The following NT5DC1 variants were observed in gnomAD, a reference collection of about 807,000 sequenced individuals.
NT5DC1 encodes the protein 5'-nucleotidase domain-containing protein 1.
In NT5DC1, 42 loss-of-function variants were observed where a neutral mutation model predicts 59.4. The observed-to-expected ratio is 0.71, with a 90% CI of 0.55 to 0.92. The LOEUF (loss-of-function observed/expected upper bound fraction) is 0.92, where lower values mean the gene tolerates loss of function less well. Ranked by LOEUF, NT5DC1 falls within the 40% of genes least tolerant of loss-of-function variation. NT5DC1 has a pLI of 0.00. For synonymous variants in NT5DC1, 172 were observed against 188.1 expected, an observed-to-expected ratio of 0.91 and a Z score of 0.70; for missense variants, 501 against 537.1, an observed-to-expected ratio of 0.93 and a Z score of 0.66.
chr6:116,145,069 A>G (rs1226463592), intron 6 of NT5DC1, among the ~76,000 whole-genome samples: 5 of 152,188 alleles, frequency 3.3e-5, no homozygotes, highest in Non-Finnish European at 1.5e-5. Flanking sequence ...TGCCTTTTAA[A>G]TCTAATATAT....
At chr6:116,196,937 A>G (rs528038042) in intron 6 of NT5DC1, among the ~76,000 whole-genome samples, 5 of 151,368 alleles carry the variant, frequency 3.3e-5, no homozygotes, top group Non-Finnish European at 5.9e-5. Flanking sequence ...TGGAATAGCC[A>G]TGTTTTCTCC....
intron 6 of NT5DC1, among the ~76,000 whole-genome samples, chr6:116,167,440 C>T (rs1325673083): frequency 6.6e-6 from 1 of 152,004 alleles, no homozygotes; most frequent in Non-Finnish European, 1.5e-5. Flanking sequence ...TCTCAATCTC[C>T]TGGCCTTGTG....
At chr6:116,120,714 C>T (rs1041072624) in intron 6 of NT5DC1, 2 of 1,561,844 alleles carry the variant, frequency 1.3e-6, no homozygotes, top group African/African-American at 2.8e-5. Context: ...CTTCCTGGAT[C>T]CCCTTTAGAC....
At chr6:116,179,750 T>G (rs1481101864) in intron 6 of NT5DC1, among the ~76,000 whole-genome samples, 2 of 152,124 alleles carry the variant, frequency 1.3e-5, no homozygotes, top group East Asian at 3.8e-4. Flanking sequence ...GATTGAGACA[T>G]ACACCTATCT....
intron 6 of NT5DC1, among the ~76,000 whole-genome samples, chr6:116,128,070 C>T (rs1779368595): frequency 6.6e-6 from 1 of 151,946 alleles, no homozygotes. Flanking sequence ...CCAGTTAGTA[C>T]TTATTAGAGA....
intron 8 of NT5DC1, among the ~76,000 whole-genome samples, chr6:116,225,307 A>G (rs1312452370): frequency 6.6e-6 from 1 of 152,216 alleles, no homozygotes; most frequent in African/African-American, 2.4e-5. Context: ...CAAGATATGT[A>G]TTGGGAGTAA....
chr6:116,137,074 T>A (rs1488059648), intron 6 of NT5DC1: 2 of 212,064 alleles, frequency 9.4e-6, no homozygotes, highest in African/African-American at 4.6e-5. Flanking sequence ...CACCGTCTCT[T>A]CATGCCACAC....
At chr6:116,180,649 G>A in intron 6 of NT5DC1, among the ~76,000 whole-genome samples, 1 of 152,072 alleles carries the variant, frequency 6.6e-6, no homozygotes, top group East Asian at 1.9e-4. Flanking sequence ...AACCCAGATT[G>A]TATTAAACCT....
chr6:116,125,540 A>T (rs1303032396), intron 6 of NT5DC1: 10 of 1,591,042 alleles, frequency 6.3e-6, no homozygotes, highest in Non-Finnish European at 8.6e-6. Flanking sequence ...TTTATACAGC[A>T]TTGTTATTAA....
chr6:116,178,082 TGTGTGTGCGCGCGCGCGCGCGTGC>T (rs1179958597), intron 6 of NT5DC1, among the ~76,000 whole-genome samples: 7 of 107,306 alleles, frequency 6.5e-5, no homozygotes, highest in African/African-American at 9.6e-5. Context: ...TGTGTGTGTG[TGTGTGTGCGCGCGCGCGCGCGTGC>T]GTGCGTGTGT....
intron 6 of NT5DC1, chr6:116,121,917 G>A: frequency 6.2e-7 from 1 of 1,613,692 alleles, no homozygotes. Context: ...GGTCCAGCAG[G>A]GCCTGGTGGA....
chr6:116,170,524 T>G (rs1780581128), intron 6 of NT5DC1, among the ~76,000 whole-genome samples: 1 of 152,210 alleles, frequency 6.6e-6, no homozygotes, highest in Non-Finnish European at 1.5e-5. Flanking sequence ...AAATCAGAAG[T>G]GTACGTAAAG....
chr6:116,165,591 A>T (rs532466393), intron 6 of NT5DC1, among the ~76,000 whole-genome samples: 1 of 152,312 alleles, frequency 6.6e-6, no homozygotes, highest in South Asian at 2.1e-4. Flanking sequence ...CCTCTCCTAC[A>T]TCCACAACAG....
intron 6 of NT5DC1, among the ~76,000 whole-genome samples, chr6:116,212,799 T>C (rs1781605634): frequency 6.6e-6 from 1 of 152,144 alleles, no homozygotes; most frequent in Non-Finnish European, 1.5e-5. Context: ...CATTTCATAT[T>C]TGAACTAGAT....
chr6:116,180,104 A>G (rs1395879106), intron 6 of NT5DC1, among the ~76,000 whole-genome samples: 1 of 152,090 alleles, frequency 6.6e-6, no homozygotes, highest in Non-Finnish European at 1.5e-5. Flanking sequence ...TTATCCCCAA[A>G]GGATAAGTGT....
chr6:116,211,289 A>G (rs369053320), intron 6 of NT5DC1, among the ~76,000 whole-genome samples: 2 of 152,120 alleles, frequency 1.3e-5, no homozygotes, highest in African/African-American at 4.8e-5. Flanking sequence ...CAAGTGAGAA[A>G]TGCCTGGCTG....
intron 6 of NT5DC1, among the ~76,000 whole-genome samples, chr6:116,160,423 A>G (rs887154547): frequency 6.6e-6 from 1 of 151,876 alleles, no homozygotes; most frequent in Non-Finnish European, 1.5e-5. Flanking sequence ...TATTTTGAGA[A>G]GTGTCTGTTC....
chr6:116,159,822 T>C (rs1303314873), intron 6 of NT5DC1, among the ~76,000 whole-genome samples: 9 of 152,178 alleles, frequency 5.9e-5, no homozygotes, highest in African/African-American at 2.2e-4. Context: ...TATTTCCATC[T>C]TTATGTCCAT....
intron 6 of NT5DC1, among the ~76,000 whole-genome samples, chr6:116,161,234 TA>T (rs777324474): frequency 6.6e-6 from 1 of 150,436 alleles, no homozygotes; most frequent in Non-Finnish European, 1.5e-5. Flanking sequence ...GAGATATACC[TA>T]ATGCTAGATG....
Sources: allele counts gnomAD v4.1 joint callset (sites outside exome capture counted in the v4.1 genomes callset), GRCh38; gene constraint gnomAD v4.1.1; transcripts MANE v1.5; gene names NCBI Gene and HGNC (gene_info 2026-07-23, HGNC 2026-07-21).